Variants in IL27RA observed in about 807,000 individuals in gnomAD.
IL27RA encodes the protein interleukin 27 receptor subunit alpha.
A neutral mutation model predicts 80.8 loss-of-function variants in IL27RA; 61 were observed. The observed-to-expected ratio is 0.76, with a 90% CI of 0.61 to 0.93. The LOEUF (loss-of-function observed/expected upper bound fraction) is 0.93. IL27RA is among the 40% of genes least tolerant of loss of function. The pLI is 0.00. For missense variants in IL27RA, 735 were observed against 808.1 expected (o/e 0.91, Z 1.10); for synonymous variants, 316 against 332.5 (o/e 0.95, Z 0.54).
intron 2 of IL27RA, among the ~76,000 whole-genome samples, chr19:14,038,560 G>A (rs966979944): frequency 7.5e-6 from 1 of 132,872 alleles, no homozygotes; most frequent in Admixed American, 7.6e-5. Flanking sequence ...GAGTGAGGTC[G>A]TGTCTCTAAA....
intron 11 of IL27RA, 105 bp from the exon 12 acceptor site, chr19:14,051,488 GCTGAGGTCGCACCA>G: frequency 2.3e-6 from 1 of 432,772 alleles, no homozygotes; most frequent in Non-Finnish European, 3.9e-6. Flanking sequence ...GTTGCAGTGA[GCTGAGGTCGCACCA>G]CTGCACTCCA....
In IL27RA at chr19:14,039,910, G is replaced by C; in HGVS notation, c.534G>C (p.Leu178=). The C allele has an allele frequency of 2.5e-6, 4 of 1,613,834 alleles. No homozygotes were observed. The highest frequency in any genetic ancestry group is 3.4e-6 in the Non-Finnish European group (4 of 1,179,892). ...GATGTCAGGAGGCGGCCTGGACCCT[G>C]GTGAGTGCTGGGGTCCTTTTCTCCC... ...YRRCQEAAWT[L]LEPELKTIPL... Residue 178 remains leucine (L), a splice_region_variant and synonymous_variant, in exon 4 of 14, where the codon CTG becomes CTC. Coordinates refer to ENST00000263379, the MANE Select transcript of IL27RA (RefSeq NM_004843.4).
intron 4 of IL27RA, among the ~76,000 whole-genome samples, chr19:14,040,848 A>T (rs1191983439): frequency 6.6e-6 from 1 of 151,672 alleles, no homozygotes; most frequent in Non-Finnish European, 1.5e-5. Context: ...AAAGAAGAAG[A>T]AGAGTTCAGA....
At chr19:14,047,980 A>G (rs1050590350) in intron 8 of IL27RA, among the ~76,000 whole-genome samples, 1 of 131,270 alleles carries the variant, frequency 7.6e-6, no homozygotes, top group African/African-American at 2.9e-5. Flanking sequence ...TTTTTAAGAG[A>G]TGAGTCTCAC....
At chr19:14,032,591 C>G in intron 2 of IL27RA, 88 bp downstream of exon 2, 1 of 499,918 alleles carries the variant, frequency 2.0e-6, no homozygotes, top group Non-Finnish European at 3.6e-6. Context: ...TTCCAGGAGT[C>G]AAGCCTGGCC....
rs1019576079 is a variant in IL27RA at position 14,045,844 on chromosome 19, G to A, written c.769-310G>A. Reference sequence around the variant, plus strand: ...GTTTGAGACCAGCCTGGCCAACATGGTGAAACCCCGTCTCTACTAAAAATA... The same window carrying A: ...GTTTGAGACCAGCCTGGCCAACATGATGAAACCCCGTCTCTACTAAAAATA... On this transcript the variant is annotated intron_variant, in intron 6 of 13. Transcript: ENST00000263379. 2.0e-5 allele frequency among the ~76,000 whole-genome samples: 3 copies of A among 151,030 alleles called. No homozygotes were observed. The South Asian group carries it at 6.3e-4, about 32-fold the overall frequency.
Position 14,046,542 on chromosome 19 carries a change from G to A in IL27RA, c.1065G>A (p.Trp355Ter). 6.2e-7 allele frequency: 1 copy of A among 1,614,068 alleles called. No homozygotes were observed. Among genetic ancestry groups the A allele is most frequent in the Non-Finnish European group, 8.5e-7 (1 of 1,179,988 alleles). ...AACCACTGGAGCATGTAGTGGACTG[G>A]GCTCGAGATGGGGACCCCCTGGAGA... ...PGEPLEHVVD[W>*]ARDGDPLEKL... Residue 355 changes from tryptophan to a stop codon, truncating the protein, a stop_gained, in exon 8 of 14, where the codon TGG (tryptophan) becomes TGA (stop). Coordinates refer to ENST00000263379, the MANE Select transcript of IL27RA (RefSeq NM_004843.4). LOFTEE classifies it high-confidence loss of function.
At chr19:14,034,598 T>C (rs1349245570) in intron 2 of IL27RA, among the ~76,000 whole-genome samples, 1 of 149,956 alleles carries the variant, frequency 6.7e-6, no homozygotes, top group African/African-American at 2.5e-5. Flanking sequence ...AGGCAGAGGT[T>C]GGAGTGAGCC....
chr19:14,047,467 G>A (rs1484573598), intron 8 of IL27RA, among the ~76,000 whole-genome samples: 5 of 150,142 alleles, frequency 3.3e-5, no homozygotes, highest in Non-Finnish European at 7.4e-5. Context: ...CGATTCTCGT[G>A]CCTCAGCCTC....
Position 14,052,218 on chromosome 19 carries a change from T to TGAGA in IL27RA, c.1840_1843dup (p.Lys615ArgfsTer9), listed in dbSNP as rs1976184095. On this transcript the variant is annotated frameshift_variant, in exon 14 of 14. Transcript: ENST00000263379. LOFTEE classifies it high-confidence loss of function. ...CCACCGCCCCGCTTGACTCTGGGTA[T>TGAGA]GAGAAGCACTTCCTGCCCACACCTG... is the stretch of plus-strand genomic sequence containing the variant. 1 of 1,599,290 alleles carries TGAGA rather than the reference T, an allele frequency of 6.3e-7. No homozygotes were observed. The highest frequency in any genetic ancestry group is 8.5e-7 in the Non-Finnish European group (1 of 1,173,238).
At chr19:14,032,291 C>T (rs995819800) in intron 1 of IL27RA, 95 bp from the exon 2 acceptor site, 5 of 959,512 alleles carry the variant, frequency 5.2e-6, no homozygotes, top group East Asian at 2.4e-5. Flanking sequence ...TAAGCCCCCC[C>T]ACCTTGCAAT....
At chr19:14,048,468 C>A (rs1976103937) in intron 8 of IL27RA, among the ~76,000 whole-genome samples, 1 of 152,038 alleles carries the variant, frequency 6.6e-6, no homozygotes, top group Admixed American at 6.6e-5. Context: ...AGTGCAGCAC[C>A]CTCAGCTACC....
rs868097841 is a variant in IL27RA, at chr19:14,052,368, C to G, written c.*78C>G. 3.4e-6 allele frequency: 4 copies of G among 1,163,786 alleles called. No homozygotes were observed. The Middle Eastern group carries it at 8.8e-4, about 257-fold the overall frequency. The allele number at this position is 1,163,786 out of a possible 1,614,324, so 72.1% of individuals were successfully genotyped here. The stretch of plus-strand genomic sequence containing the variant: ...GTTGCACCCCAGTCCTGGATTAGCC[C>G]TCTTGATGGATGAAGACACTGAGGA... On this transcript the variant is annotated 3_prime_UTR_variant, in exon 14 of 14. Transcript: ENST00000263379.
At chr19:14,047,800 C>T (rs1297430486) in intron 8 of IL27RA, among the ~76,000 whole-genome samples, 2 of 150,446 alleles carry the variant, frequency 1.3e-5, no homozygotes, top group Non-Finnish European at 3.0e-5. Flanking sequence ...AGTACAGGCG[C>T]CCGCCACCAC....
rs775365414 is a variant in IL27RA, at chr19:14,046,637, TGGGTCTCCATCCCC to T, written c.1141+21_1141+34del. On this transcript the variant is annotated intron_variant, in intron 8 of 13. Transcript: ENST00000263379. ...TTACCAGGTGAGGCCCTGGGACACC[TGGGTCTCCATCCCC>T]GCTGTTAGAGCAGACGGATGGGTGG... is the stretch of plus-strand genomic sequence containing the variant. 2.5e-6 allele frequency: 4 copies of T among 1,570,160 alleles called. No homozygotes were observed. The highest frequency in any genetic ancestry group is 2.2e-5 in the East Asian group (1 of 44,546).
At chr19:14,038,435 G>A (rs1243952871) in intron 2 of IL27RA, among the ~76,000 whole-genome samples, 2 of 151,968 alleles carry the variant, frequency 1.3e-5, no homozygotes, top group African/African-American at 4.8e-5. Flanking sequence ...AAAATTAGCT[G>A]AACATTGTGA....
intron 2 of IL27RA, among the ~76,000 whole-genome samples, chr19:14,034,326 G>A (rs1975865917): frequency 6.6e-6 from 1 of 152,098 alleles, no homozygotes; most frequent in Admixed American, 6.6e-5. Context: ...GGGAGACAGA[G>A]GTCCTGGATT....
At chr19:14,047,357 TC>T in intron 8 of IL27RA, among the ~76,000 whole-genome samples, 1 of 131,818 alleles carries the variant, frequency 7.6e-6, no homozygotes, top group Admixed American at 7.3e-5. Flanking sequence ...GCCTAACTTT[TC>T]TTTTTTTTTT....
chr19:14,035,927 T>C (rs1267907547), intron 2 of IL27RA, among the ~76,000 whole-genome samples: 1 of 151,822 alleles, frequency 6.6e-6, no homozygotes, highest in Non-Finnish European at 1.5e-5. Flanking sequence ...ATTACAGGAA[T>C]GTGTCACCAT....
Sources: allele counts gnomAD v4.1 joint callset (sites outside exome capture counted in the v4.1 genomes callset), GRCh38; gene constraint gnomAD v4.1.1; transcripts MANE v1.5; gene names NCBI Gene and HGNC (gene_info 2026-07-23, HGNC 2026-07-21).